The following MDFIC variants were observed in gnomAD, a reference collection of about 807,000 sequenced individuals.
The protein encoded by MDFIC is myoD family inhibitor domain-containing protein.
A neutral mutation model predicts 23.2 loss-of-function variants in MDFIC; 17 were observed. That is an observed-to-expected ratio of 0.73 (90% CI 0.50 to 1.10). MDFIC has a LOEUF of 1.10. Among genes scored for constraint, MDFIC ranks in the 50% least tolerant of loss-of-function variants. The pLI is 0.00. For synonymous variants in MDFIC, 120 were observed against 115.2 expected (o/e 1.04, Z -0.27); for missense variants, 356 against 316.6 (o/e 1.12, Z -0.95).
intron 3 of MDFIC, among the ~76,000 whole-genome samples, chr7:114,961,231 T>A (rs554684719): frequency 3.9e-5 from 6 of 152,252 alleles, no homozygotes; most frequent in African/African-American, 1.4e-4. Flanking sequence ...AACCTCTTTC[T>A]CTCTTGATCA....
At position 115,015,750 on chromosome 7, in the gene MDFIC, G is replaced by C; in HGVS notation, c.556G>C (p.Val186Leu). The C allele has an allele frequency of 6.2e-7, 1 of 1,614,172 alleles. No individual in the cohort carries two copies. The highest frequency in any genetic ancestry group is 8.5e-7 in the Non-Finnish European group (1 of 1,180,028). Residue 186 changes from valine to leucine, a missense_variant, in exon 5 of 5, where the codon GTC becomes CTC. By Grantham distance (32) the Val-to-Leu change is conservative. Coordinates refer to ENST00000393486, the MANE Select transcript of MDFIC (RefSeq NM_001166345.3). Reference protein sequence around the residue: ...FCEFLTLCNIVLGQASCGICT... With the variant: ...FCEFLTLCNILLGQASCGICT... ...CGAATTCCTGACCCTTTGCAACATT[G>C]TCCTGGGACAAGCGTCATGTGGCAT... is the stretch of plus-strand genomic sequence containing the variant.
At chr7:114,951,046 C>A (rs916905056) in intron 3 of MDFIC, among the ~76,000 whole-genome samples, 2 of 152,090 alleles carry the variant, frequency 1.3e-5, no homozygotes, top group Admixed American at 6.6e-5. Flanking sequence ...ATTAGCCAGG[C>A]ATGGTGGTGC....
chr7:114,950,358 T>A (rs141772177), intron 3 of MDFIC, among the ~76,000 whole-genome samples: 1 of 152,108 alleles, frequency 6.6e-6, no homozygotes. Context: ...AGGTTTTAGT[T>A]TGGACAAGTG....
rs1168860370 is a variant in MDFIC at position 115,019,271 on chromosome 7, A to C, written c.*3336A>C. 6.6e-6 allele frequency: 1 copy of C among 152,108 alleles called. No individual in the cohort carries two copies. Among genetic ancestry groups the C allele is most frequent in the Non-Finnish European group, 1.5e-5 (1 of 67,958 alleles). The allele number at this position is 152,108 out of a possible 1,614,324, so 9.4% of individuals were successfully genotyped here. A position where few individuals can be genotyped will look rare whatever the true frequency, so the allele number is the denominator to read the frequency against. On this transcript the variant is annotated 3_prime_UTR_variant, in exon 5 of 5. Transcript: ENST00000393486. ...AGTTAGCATCTAACTAAAACAATACAGTATGACTTTATTTAGGAGAAGGCT... is the reference window on the plus strand; with the variant it reads ...AGTTAGCATCTAACTAAAACAATACCGTATGACTTTATTTAGGAGAAGGCT...
chr7:114,944,210 A>G (rs564992475), intron 3 of MDFIC, among the ~76,000 whole-genome samples: 95 of 152,352 alleles, frequency 6.2e-4, no homozygotes, highest in Non-Finnish European at 1.1e-3. Context: ...ACTAATATTC[A>G]CTGAAGGAAT....
chr7:114,962,608 G>GT (rs901661913), intron 3 of MDFIC, among the ~76,000 whole-genome samples: 13 of 151,844 alleles, frequency 8.6e-5, no homozygotes, highest in East Asian at 3.9e-4. Flanking sequence ...GGAGGAGTCT[G>GT]TTTTTTTTGA....
chr7:114,979,748 G>T lies in MDFIC; in HGVS notation c.460G>T (p.Val154Phe). 1 of 1,613,944 alleles carries T rather than the reference G, an allele frequency of 6.2e-7. No individual in the cohort carries two copies. The highest frequency in any genetic ancestry group is 8.5e-7 in the Non-Finnish European group (1 of 1,179,862). ...DISKKSKVNAVFSQKTGSSPE... is the reference protein window; with the variant it reads ...DISKKSKVNAFFSQKTGSSPE... ...CAGTAAGAAGAGCAAAGTAAATGCTGTCTTTTCCCAAAAGACAGGCTCTTC... is the reference window on the plus strand; with the variant it reads ...CAGTAAGAAGAGCAAAGTAAATGCTTTCTTTTCCCAAAAGACAGGCTCTTC... The change falls in exon 4 of 5, where the codon GTC (valine) becomes TTC (phenylalanine). Residue 154 changes from valine (V) to phenylalanine (F), a missense_variant. Val to Phe is a conservative substitution (Grantham distance 50). Transcript: ENST00000393486.
chr7:114,967,764 G>A (rs1388328924), intron 3 of MDFIC, among the ~76,000 whole-genome samples: 4 of 151,684 alleles, frequency 2.6e-5, no homozygotes, highest in African/African-American at 9.7e-5. Flanking sequence ...GGCACAATTA[G>A]AGGAAAAACA....
chr7:114,973,130 T>C (rs1793241761), intron 3 of MDFIC, among the ~76,000 whole-genome samples: 1 of 151,070 alleles, frequency 6.6e-6, no homozygotes, highest in Non-Finnish European at 1.5e-5. Flanking sequence ...TATGAATATA[T>C]GTGTATATAT....
In MDFIC at chr7:115,016,644, CTAAATAAATAAATAAATAAA is replaced by C. The variant is rs35602216; in HGVS notation, c.*734_*753del. The C allele has an allele frequency of 9.1e-5, 13 of 142,346 alleles. No individual in the cohort carries two copies. The highest frequency in any genetic ancestry group is 2.6e-4 in the African/African-American group (10 of 38,072). The allele number at this position is 142,346 out of a possible 1,614,324, so 8.8% of individuals were successfully genotyped here. A position where few individuals can be genotyped will look rare whatever the true frequency, so the allele number is the denominator to read the frequency against. ...TGGGCAACAGAGCGAGACTCCATCTCTAAATAAATAAATAAATAAATAAATAAATAAATAAATAAATAAAC... is the reference window on the plus strand; with the variant it reads ...TGGGCAACAGAGCGAGACTCCATCTCTAAATAAATAAATAAATAAATAAAC... On this transcript the variant is annotated 3_prime_UTR_variant, in exon 5 of 5. Transcript: ENST00000393486.
intron 4 of MDFIC, among the ~76,000 whole-genome samples, chr7:114,985,482 C>CTG (rs374143579): frequency 0.011 from 1,708 of 151,608 alleles, 15 homozygotes; most frequent in Non-Finnish European, 0.016. Flanking sequence ...CTCTCTCTCT[C>CTG]TGTGTGTGTG....
chr7:114,969,573 G>C (rs184975747), intron 3 of MDFIC, among the ~76,000 whole-genome samples: 1 of 152,244 alleles, frequency 6.6e-6, no homozygotes, highest in African/African-American at 2.4e-5. Flanking sequence ...CTTTATTTTT[G>C]TGAAGGGTTC....
intron 3 of MDFIC, among the ~76,000 whole-genome samples, chr7:114,955,854 T>G (rs887510705): frequency 2.0e-5 from 3 of 152,208 alleles, no homozygotes; most frequent in Non-Finnish European, 4.4e-5. Flanking sequence ...TTACAGTTAA[T>G]GAAGTTTTTC....
intron 4 of MDFIC, among the ~76,000 whole-genome samples, chr7:115,000,406 G>C (rs533288633): frequency 6.6e-6 from 1 of 152,028 alleles, no homozygotes; most frequent in African/African-American, 2.4e-5. Flanking sequence ...AACATAATTG[G>C]TTTCCTTCAA....
intron 2 of MDFIC, among the ~76,000 whole-genome samples, chr7:114,933,187 T>G (rs897716704): frequency 6.6e-6 from 1 of 151,990 alleles, no homozygotes; most frequent in Non-Finnish European, 1.5e-5. Flanking sequence ...CAAGTTATCA[T>G]GCTGAAAGAC....
chr7:114,992,165 G>T (rs1382365116), intron 4 of MDFIC, among the ~76,000 whole-genome samples: 1 of 152,148 alleles, frequency 6.6e-6, no homozygotes, highest in Non-Finnish European at 1.5e-5. Flanking sequence ...TATTATTGGT[G>T]TATAAGAATG....
intron 4 of MDFIC, among the ~76,000 whole-genome samples, chr7:114,990,195 T>A (rs1383466954): frequency 6.6e-6 from 1 of 152,186 alleles, no homozygotes; most frequent in African/African-American, 2.4e-5. Flanking sequence ...GCTTAATCTA[T>A]AATAAAAAGG....
intron 4 of MDFIC, among the ~76,000 whole-genome samples, chr7:114,984,067 A>G (rs531230699): frequency 2.0e-5 from 3 of 152,258 alleles, no homozygotes; most frequent in East Asian, 1.9e-4. Context: ...TGGTTCCACA[A>G]TCCATGTTCC....
intron 2 of MDFIC, among the ~76,000 whole-genome samples, chr7:114,935,046 C>A (rs995902165): frequency 1.3e-5 from 2 of 152,170 alleles, no homozygotes; most frequent in Admixed American, 6.5e-5. Flanking sequence ...AGAATTTCCA[C>A]ATTATTCTGA....
Sources: gnomAD v4.1 joint callset for allele counts (sites outside exome capture counted in the v4.1 genomes callset) on GRCh38, gnomAD v4.1.1 for gene constraint, MANE v1.5 for transcripts, NCBI Gene and HGNC (gene_info 2026-07-23, HGNC 2026-07-21) for gene names.